The following CADM2 variants were observed in gnomAD, a reference collection of about 807,000 sequenced individuals.
CADM2 encodes immunoglobulin superfamily member 4D.
CADM2 carries 12 observed loss-of-function variants against 49.8 expected under a neutral mutation model. The observed-to-expected ratio is 0.24, with a 90% confidence interval of 0.15 to 0.39. The LOEUF (loss-of-function observed/expected upper bound fraction) is 0.39, where lower values mean the gene tolerates loss of function less well. Ranked by LOEUF, CADM2 falls within the 10% of genes least tolerant of loss-of-function variation. The probability of loss-of-function intolerance (pLI) is 1.00; values close to 1 mark genes in which losing one functional copy is unlikely to be tolerated. For missense variants in CADM2, 378 were observed against 492.3 expected (o/e 0.77, Z 2.20); for synonymous variants, 214 against 175.4 (o/e 1.22, Z -1.74).
In CADM2 at chr3:86,066,880, C is replaced by T. The variant is rs1196886371; in HGVS notation, c.*97C>T. On this transcript the variant is annotated 3_prime_UTR_variant, in exon 10 of 10. Transcript: ENST00000383699. Reference sequence around the variant, plus strand: ...GTCATTTCTACCATCGTCTGCTACCCTTATTAACTCCCATACTGTACTGCT... The same window carrying T: ...GTCATTTCTACCATCGTCTGCTACCTTTATTAACTCCCATACTGTACTGCT... 6 of 795,904 alleles carry T rather than the reference C, an allele frequency of 7.5e-6. No individual in the cohort carries two copies. The Admixed American group carries it at 9.0e-5, about 12-fold the overall frequency. The allele number at this position is 795,904 out of a possible 1,614,324, so 49.3% of individuals were successfully genotyped here. A position where few individuals can be genotyped will look rare whatever the true frequency, so the allele number is the denominator to read the frequency against.
intron 3 of CADM2, among the ~76,000 whole-genome samples, chr3:85,843,369 C>G (rs1265602956): frequency 6.6e-6 from 1 of 152,044 alleles, no homozygotes; most frequent in Admixed American, 6.6e-5. Context: ...CTCTCTCTCT[C>G]TTTCCTCCTA....
Position 85,222,831 on chromosome 3 carries a change from C to G in CADM2, c.61+263163C>G, listed in dbSNP as rs111815605. ...TTCACTGAATTATTTGGTCTCATCC[C>G]TTGAGTTCAAATTATGCACCCAACC... On this transcript the variant is annotated intron_variant, in intron 1 of 9. Coordinates refer to ENST00000383699, the MANE Select transcript of CADM2 (RefSeq NM_001167675.2). Among the ~76,000 whole-genome samples, 567 of 152,248 alleles carry G rather than the reference C, an allele frequency of 3.7e-3. 3 individuals are homozygous for G. The highest frequency in any genetic ancestry group is 0.012 in the African/African-American group (503 of 41,564).
intron 1 of CADM2, among the ~76,000 whole-genome samples, chr3:85,581,338 G>A (rs1197363971): frequency 6.6e-6 from 1 of 151,314 alleles, no homozygotes; most frequent in Non-Finnish European, 1.5e-5. Context: ...TGAGACCTAC[G>A]GGAATAAAAA....
chr3:85,768,638 T>A (rs2107933394), intron 2 of CADM2, among the ~76,000 whole-genome samples: 1 of 147,982 alleles, frequency 6.8e-6, no homozygotes, highest in African/African-American at 2.5e-5. Context: ...TTGAAAATTA[T>A]TTTTAGATAT....
chr3:84,961,066 A>G (rs1309849252), intron 1 of CADM2, among the ~76,000 whole-genome samples: 1 of 151,998 alleles, frequency 6.6e-6, no homozygotes, highest in East Asian at 1.9e-4. Context: ...GGGTATTTGC[A>G]GGAAAGGTAA....
At chr3:85,691,793 C>G (rs1345480136) in intron 1 of CADM2, among the ~76,000 whole-genome samples, 1 of 152,078 alleles carries the variant, frequency 6.6e-6, no homozygotes, top group Non-Finnish European at 1.5e-5. Flanking sequence ...TGTTATGCAT[C>G]CATAAAAAAT....
chr3:85,719,357 G>A (rs2067416671), intron 1 of CADM2, among the ~76,000 whole-genome samples: 1 of 152,022 alleles, frequency 6.6e-6, no homozygotes, highest in South Asian at 2.1e-4. Flanking sequence ...ACAACATGGG[G>A]GTTAGGGCCA....
At chr3:85,582,678 A>T (rs1333400907) in intron 1 of CADM2, among the ~76,000 whole-genome samples, 1 of 151,948 alleles carries the variant, frequency 6.6e-6, no homozygotes, top group East Asian at 1.9e-4. Flanking sequence ...CACAGAATTA[A>T]CTCCCAAAGG....
At chr3:86,003,079 G>A (rs1185512562) in intron 8 of CADM2, among the ~76,000 whole-genome samples, 2 of 152,176 alleles carry the variant, frequency 1.3e-5, no homozygotes, top group Non-Finnish European at 2.9e-5. Flanking sequence ...ATAGAAAACA[G>A]AGATAGTATC....
intron 1 of CADM2, among the ~76,000 whole-genome samples, chr3:85,177,962 G>C (rs542925136): frequency 4.2e-4 from 64 of 151,992 alleles, no homozygotes; most frequent in African/African-American, 1.5e-3. Flanking sequence ...TACATACAAA[G>C]TTTTGTACAT....
intron 2 of CADM2, among the ~76,000 whole-genome samples, chr3:85,776,617 A>G (rs1424435234): frequency 6.6e-6 from 1 of 151,978 alleles, no homozygotes; most frequent in Non-Finnish European, 1.5e-5. Flanking sequence ...ATCTTTATTT[A>G]TGTTGTTGAC....
intron 1 of CADM2, among the ~76,000 whole-genome samples, chr3:85,359,524 G>A (rs1457408667): frequency 1.3e-5 from 2 of 149,618 alleles, no homozygotes; most frequent in African/African-American, 4.9e-5. Flanking sequence ...AATCTATTGG[G>A]ATATAACAGG....
chr3:85,532,261 TCTC>T (rs1351312367), intron 1 of CADM2, among the ~76,000 whole-genome samples: 6 of 152,142 alleles, frequency 3.9e-5, no homozygotes, highest in Non-Finnish European at 5.9e-5. Flanking sequence ...CAGGCAGTAT[TCTC>T]CCTCCTCAAA....
rs1401384175 is a variant in CADM2 at position 86,010,675 on chromosome 3, GA to G, written c.970+49033del. 2.0e-5 allele frequency among the ~76,000 whole-genome samples: 3 copies of G among 150,822 alleles called. No homozygotes were observed. In the East Asian group the frequency reaches 5.8e-4, roughly 29 times the overall value. On this transcript the variant is annotated intron_variant, in intron 8 of 9. Transcript: ENST00000383699. ...GAAACAAATATTAAGAAAAAATAAT[GA>G]AAAATTTAAAAATAAATAGAACATA...
intron 2 of CADM2, among the ~76,000 whole-genome samples, chr3:85,728,996 A>C (rs1200778713): frequency 6.6e-6 from 1 of 152,126 alleles, no homozygotes; most frequent in African/African-American, 2.4e-5. Flanking sequence ...AATATACCTG[A>C]ATTTTATCAA....
chr3:85,658,576 G>GTATATATATATATATATATATA (rs397990421), intron 1 of CADM2, among the ~76,000 whole-genome samples: 1 of 68,754 alleles, frequency 1.5e-5, no homozygotes, highest in African/African-American at 5.6e-5. Flanking sequence ...GGATATATGT[G>GTATATATATATATATATATATA]TATATATATA....
chr3:85,307,849 C>T (rs772116354), intron 1 of CADM2, among the ~76,000 whole-genome samples: 5 of 149,522 alleles, frequency 3.3e-5, no homozygotes, highest in Admixed American at 6.7e-5. Context: ...TGTTTCACAG[C>T]ATTAGAATTT....
intron 1 of CADM2, among the ~76,000 whole-genome samples, chr3:85,531,447 A>G (rs966776370): frequency 2.0e-5 from 3 of 152,232 alleles, no homozygotes; most frequent in African/African-American, 7.2e-5. Context: ...TGCCACTTGA[A>G]GAGTGAGTAT....
At chr3:86,040,839 G>A (rs1016315641) in intron 8 of CADM2, among the ~76,000 whole-genome samples, 5 of 152,182 alleles carry the variant, frequency 3.3e-5, no homozygotes, top group South Asian at 2.1e-4. Flanking sequence ...GAGAAAGGTC[G>A]GGTTACCCAC....
Sources: gnomAD v4.1 joint callset for allele counts (sites outside exome capture counted in the v4.1 genomes callset) on GRCh38, gnomAD v4.1.1 for gene constraint, MANE v1.5 for transcripts, NCBI Gene and HGNC (gene_info 2026-07-23, HGNC 2026-07-21) for gene names.